Variants in SDK1 observed in about 807,000 individuals in gnomAD.
The protein encoded by SDK1 is protein sidekick-1.
A neutral mutation model predicts 245.5 loss-of-function variants in SDK1; 157 were observed. That is an observed-to-expected ratio of 0.64 (90% CI 0.56 to 0.73). SDK1 has a LOEUF of 0.73. Among genes scored for constraint, SDK1 ranks in the 30% least tolerant of loss-of-function variants. The pLI is 0.00. For synonymous variants in SDK1, 1,647 were observed against 1,278.5 expected (o/e 1.29, Z -6.15); for missense variants, 3,583 against 3,002.3 (o/e 1.19, Z -4.52).
chr7:3,598,571 A>G (rs1263285534), intron 1 of SDK1, among the ~76,000 whole-genome samples: 2 of 152,332 alleles, frequency 1.3e-5, no homozygotes, highest in African/African-American at 4.8e-5. Flanking sequence ...TTCTGTCAGC[A>G]CAAGATCCCT....
At chr7:3,683,933 A>G (rs1001829380) in intron 4 of SDK1, among the ~76,000 whole-genome samples, 19 of 152,194 alleles carry the variant, frequency 1.2e-4, no homozygotes, top group African/African-American at 3.4e-4. Context: ...TCCTGTCCCA[A>G]TGCAGCCACA....
Position 4,029,228 on chromosome 7 carries a change from T to TTTTTTTTTTTTTTTTTTGTG in SDK1, c.2602+11877_2602+11878insTTTTTTTTTTTTTTTTGTGT, listed in dbSNP as rs746967075. ...TTTTATTCTTTCTTTTTTTTTTTTT[T>TTTTTTTTTTTTTTTTTTGTG]TGTGAAGAAGTCTCACTCTGTCATC... On this transcript the variant is annotated intron_variant, in intron 17 of 44. Transcript: ENST00000404826. 8.0e-5 allele frequency among the ~76,000 whole-genome samples: 9 copies of TTTTTTTTTTTTTTTTTTGTG among 112,082 alleles called. 2 individuals carry two copies. Among genetic ancestry groups the TTTTTTTTTTTTTTTTTTGTG allele is most frequent in the African/African-American group, 4.5e-4 (9 of 20,076 alleles). The allele number at this position is 112,082 out of a possible 152,430, so 73.5% of individuals were successfully genotyped here. A position where few individuals can be genotyped will look rare whatever the true frequency, so the allele number is the denominator to read the frequency against.
intron 5 of SDK1, among the ~76,000 whole-genome samples, chr7:3,840,504 C>G (rs949233666): frequency 1.3e-5 from 2 of 152,176 alleles, no homozygotes; most frequent in African/African-American, 4.8e-5. Context: ...CTAGTACTAT[C>G]AGCATCATCC....
chr7:4,184,193 C>G (rs149510143), intron 35 of SDK1, among the ~76,000 whole-genome samples: 19 of 152,346 alleles, frequency 1.2e-4, no homozygotes, highest in Non-Finnish European at 2.4e-4. Context: ...GTCCCCTCGG[C>G]TGGAAGCTTC....
At chr7:4,243,102 C>G (rs1583161641) in intron 43 of SDK1, among the ~76,000 whole-genome samples, 1 of 152,228 alleles carries the variant, frequency 6.6e-6, no homozygotes, top group African/African-American at 2.4e-5. Flanking sequence ...CATGTAGTTT[C>G]AAGGCCAGGA....
At chr7:3,895,118 T>A (rs1781568929) in intron 5 of SDK1, among the ~76,000 whole-genome samples, 2 of 152,188 alleles carry the variant, frequency 1.3e-5, no homozygotes, top group African/African-American at 4.8e-5. Context: ...TAGCACAAAA[T>A]ATTCACCAGG....
chr7:4,074,916 A>G (rs201819424), intron 20 of SDK1, among the ~76,000 whole-genome samples: 4 of 64,628 alleles, frequency 6.2e-5, no homozygotes. Context: ...ATATATATAT[A>G]TTTTTTTTTT....
intron 1 of SDK1, among the ~76,000 whole-genome samples, chr7:3,384,609 C>A (rs775200948): frequency 6.6e-6 from 1 of 152,158 alleles, no homozygotes; most frequent in African/African-American, 2.4e-5. Context: ...CGAAGGACTT[C>A]GCTGATTTGT....
At chr7:3,799,008 A>T (rs550379375) in intron 4 of SDK1, among the ~76,000 whole-genome samples, 1 of 152,254 alleles carries the variant, frequency 6.6e-6, no homozygotes, top group South Asian at 2.1e-4. Context: ...TATTAATTTG[A>T]ATTCTCCTGC....
intron 1 of SDK1, among the ~76,000 whole-genome samples, chr7:3,475,339 C>T (rs1246423994): frequency 6.6e-6 from 1 of 152,182 alleles, no homozygotes; most frequent in Non-Finnish European, 1.5e-5. Flanking sequence ...CCTTAACTGC[C>T]CCACCTATTC....
intron 5 of SDK1, among the ~76,000 whole-genome samples, chr7:3,941,764 C>G (rs913329855): frequency 1.3e-5 from 2 of 152,166 alleles, no homozygotes. Flanking sequence ...ACGAAGTGGA[C>G]GTTAGGCAGT....
intron 1 of SDK1, among the ~76,000 whole-genome samples, chr7:3,472,719 T>C (rs1391803486): frequency 6.6e-6 from 1 of 152,198 alleles, no homozygotes; most frequent in African/African-American, 2.4e-5. Flanking sequence ...TAACCTAGAT[T>C]ACTGAATTTG....
intron 4 of SDK1, among the ~76,000 whole-genome samples, chr7:3,646,904 A>G (rs1782856886): frequency 6.6e-6 from 1 of 152,236 alleles, no homozygotes; most frequent in Non-Finnish European, 1.5e-5. Flanking sequence ...AGAGTAGTCA[A>G]ATTCATAGAG....
chr7:3,965,191 C>G (rs1486624947), intron 9 of SDK1, among the ~76,000 whole-genome samples: 7 of 152,148 alleles, frequency 4.6e-5, no homozygotes, highest in African/African-American at 1.7e-4. Context: ...ACTTTATTTA[C>G]AAACACAGGG....
At chr7:3,696,306 C>T (rs1268068789) in intron 4 of SDK1, among the ~76,000 whole-genome samples, 2 of 152,056 alleles carry the variant, frequency 1.3e-5, no homozygotes, top group East Asian at 1.9e-4. Flanking sequence ...CCCCCAATCA[C>T]GTGATCTCTG....
chr7:4,198,177 C>G (rs914776573), intron 35 of SDK1, among the ~76,000 whole-genome samples: 1 of 152,212 alleles, frequency 6.6e-6, no homozygotes, highest in Admixed American at 6.5e-5. Context: ...TGGAAATGTC[C>G]TGTAGCTCCT....
chr7:3,744,832 A>T (rs554069117), intron 4 of SDK1, among the ~76,000 whole-genome samples: 1 of 152,062 alleles, frequency 6.6e-6, no homozygotes, highest in African/African-American at 2.4e-5. Flanking sequence ...ACAAACAAAA[A>T]AAAACAAAAA....
At chr7:4,069,500 G>A (rs960794703) in intron 20 of SDK1, among the ~76,000 whole-genome samples, 3 of 152,304 alleles carry the variant, frequency 2.0e-5, no homozygotes, top group South Asian at 2.1e-4. Context: ...TGACGCGAGC[G>A]GTCAGTTTGG....
chr7:3,337,179 A>C (rs1002819368), intron 1 of SDK1, among the ~76,000 whole-genome samples: 1 of 152,236 alleles, frequency 6.6e-6, no homozygotes, highest in African/African-American at 2.4e-5. Flanking sequence ...TTCTTTTGAA[A>C]CAAAACATTA....
Sources: allele counts gnomAD v4.1 joint callset (sites outside exome capture counted in the v4.1 genomes callset), GRCh38; gene constraint gnomAD v4.1.1; transcripts MANE v1.5; gene names NCBI Gene and HGNC (gene_info 2026-07-23, HGNC 2026-07-21).